Variants in TUBB8 observed in about 807,000 individuals in gnomAD.
The protein encoded by TUBB8 is tubulin beta 8 class VIII.
A neutral mutation model predicts 33.7 loss-of-function variants in TUBB8; 25 were observed. The ratio of observed to expected loss-of-function variants is 0.74; its 90% CI spans 0.54 to 1.04. The LOEUF is 1.04. Among genes scored for constraint, TUBB8 ranks in the 50% least tolerant of loss-of-function variants. The pLI is 0.00. For missense variants in TUBB8, 279 were observed against 608.0 expected (o/e 0.46, Z 5.69); for synonymous variants, 245 against 240.1 (o/e 1.02, Z -0.19).
At chr10:49,002 C>T (rs1834421290) in intron 1 of TUBB8, 90 bp from the exon 2 acceptor site, 4 of 1,240,650 alleles carry the variant, frequency 3.2e-6, no homozygotes, top group East Asian at 5.3e-5. Flanking sequence ...TCCGCACCCC[C>T]ATCCCTAGGC....
At chr10:70,284 A>AT (rs1266076128) in intron 1 of TUBB8, among the ~76,000 whole-genome samples, 4 of 144,842 alleles carry the variant, frequency 2.8e-5, no homozygotes, top group East Asian at 2.0e-4. Context: ...TTGTTTTTTT[A>AT]TTTTTTTTAT....
At chr10:72,356 C>G (rs1197008290) in intron 1 of TUBB8, among the ~76,000 whole-genome samples, 1 of 150,408 alleles carries the variant, frequency 6.6e-6, no homozygotes, top group Non-Finnish European at 1.5e-5. Flanking sequence ...GTCAGGAGTT[C>G]GAGACCAGCC....
intron 1 of TUBB8, among the ~76,000 whole-genome samples, chr10:63,924 A>C (rs1447705150): frequency 9.2e-5 from 14 of 152,258 alleles, no homozygotes; most frequent in Admixed American, 7.8e-4. Flanking sequence ...GTTGGTGCCC[A>C]TTATTTTTGG....
intron 1 of TUBB8, among the ~76,000 whole-genome samples, chr10:56,312 T>G (rs530803616): frequency 0.025 from 3,801 of 152,310 alleles, 56 homozygotes; most frequent in Middle Eastern, 0.071. Flanking sequence ...TACTGATTTG[T>G]ACATGTTGAT....
intron 1 of TUBB8, among the ~76,000 whole-genome samples, chr10:60,012 T>G (rs1308793057): frequency 6.6e-6 from 1 of 152,148 alleles, no homozygotes; most frequent in Admixed American, 6.5e-5. Flanking sequence ...TGTATCTTTG[T>G]TTTTTAGCTA....
At chr10:59,380 G>C (rs571019285) in intron 1 of TUBB8, among the ~76,000 whole-genome samples, 1 of 152,090 alleles carries the variant, frequency 6.6e-6, no homozygotes, top group African/African-American at 2.4e-5. Context: ...GTAGATATGG[G>C]GTTTTGCCAC....
At chr10:50,860 TCCTGATG>T (rs2131815939), upstream of TUBB8, among the ~76,000 whole-genome samples, 1 of 152,376 alleles carries the variant, frequency 6.6e-6, no homozygotes, top group East Asian at 1.9e-4. Flanking sequence ...CCTCCTGTTT[TCCTGATG>T]CATAAAACAA....
Position 47,533 on chromosome 10 carries a change from C to A in TUBB8, c.859G>T (p.Ala287Ser). The change falls in exon 4 of 4, where the codon GCT becomes TCT. Residue 287 changes from alanine to serine, a missense_variant. Transcript: ENST00000568584. ...TCAAACATCTGCTGGGTAAGCTCAG[C>A]CACAGTCAAGGCCCGGTACTGCTGG... is the stretch of plus-strand genomic sequence containing the variant. Reference protein sequence around the residue: ...GSQQYRALTVAELTQQMFDAK... With the variant: ...GSQQYRALTVSELTQQMFDAK... 1 of 1,612,096 alleles carries A rather than the reference C, an allele frequency of 6.2e-7. No individual in the cohort carries two copies. Among genetic ancestry groups the A allele is most frequent in the Non-Finnish European group, 8.5e-7 (1 of 1,180,030 alleles).
At chr10:48,532 C>A in intron 3 of TUBB8, 83 bp downstream of exon 3, 1 of 1,349,732 alleles carries the variant, frequency 7.4e-7, no homozygotes, top group Non-Finnish European at 1.1e-6. Context: ...CTCCACAGTT[C>A]CCAGAGGATG....
chr10:70,856 TA>T (rs1237741374), intron 1 of TUBB8, among the ~76,000 whole-genome samples: 1 of 150,482 alleles, frequency 6.6e-6, no homozygotes, highest in Non-Finnish European at 1.5e-5. Flanking sequence ...AAATAAAAAA[TA>T]AAAAAAAGGA....
intron 1 of TUBB8, among the ~76,000 whole-genome samples, chr10:66,214 G>C (rs772752130): frequency 6.6e-6 from 1 of 152,204 alleles, no homozygotes; most frequent in African/African-American, 2.4e-5. Flanking sequence ...CAGATCACAG[G>C]AGCTATCTTA....
chr10:55,440 G>A (rs1834518696), intron 1 of TUBB8, among the ~76,000 whole-genome samples: 1 of 152,152 alleles, frequency 6.6e-6, no homozygotes, highest in Admixed American at 6.5e-5. Flanking sequence ...CCCATTCTGT[G>A]GGTTTTCTCT....
downstream of TUBB8, chr10:46,882 C>CA: frequency 1.9e-6 from 1 of 524,584 alleles, no homozygotes; most frequent in South Asian, 2.2e-5. Context: ...AAGATGGAGG[C>CA]AAAACCAGAT....
upstream of TUBB8, among the ~76,000 whole-genome samples, chr10:75,359 A>G (rs1278602589): frequency 6.8e-6 from 1 of 147,848 alleles, no homozygotes; most frequent in African/African-American, 2.5e-5. Context: ...TTAAAACAAA[A>G]CAAACCGAAA....
rs575175733 is a variant in TUBB8, at chr10:64,600, G to A, written c.-846+9369C>T. On this transcript the variant is annotated intron_variant, in intron 1 of 3. Transcript: ENST00000564130. The stretch of plus-strand genomic sequence containing the variant: ...ACCCCAACCCTAAATCAAACTCTAA[G>A]CAAACCCTAACACACTAGGCACACA... Among the ~76,000 whole-genome samples the A allele has an allele frequency of 4.3e-4, 65 of 152,014 alleles. 2 individuals are homozygous for A. The East Asian group carries it at 0.012, about 29-fold the overall frequency.
rs28516810 is a variant in TUBB8 at position 69,270 on chromosome 10, T to C, written c.-846+4699A>G. Among the ~76,000 whole-genome samples, 869 of 152,270 alleles carry C rather than the reference T, an allele frequency of 5.7e-3. 10 individuals carry two copies. Among genetic ancestry groups the C allele is most frequent in the Middle Eastern group, 0.01 (3 of 294 alleles). On this transcript the variant is annotated intron_variant, in intron 1 of 3. Transcript: ENST00000564130. ...ATTCAACCCCAGTGGCCTGCAGTCT[T>C]GTATGCTCTCTCTTACAGGGACACA... is the stretch of plus-strand genomic sequence containing the variant.
upstream of TUBB8, among the ~76,000 whole-genome samples, chr10:74,625 CAAAAAAA>C (rs35723619): frequency 1.1e-5 from 1 of 89,680 alleles, no homozygotes; most frequent in Non-Finnish European, 2.2e-5. Context: ...GACTCAGTAT[CAAAAAAA>C]AAAAAAAAAA....
chr10:54,101 C>T (rs1469767980), upstream of TUBB8, among the ~76,000 whole-genome samples: 6 of 152,170 alleles, frequency 3.9e-5, no homozygotes, highest in Non-Finnish European at 7.3e-5. Context: ...TTACCATAAT[C>T]ACCCTGTTCT....
In TUBB8 at chr10:47,075, G is replaced by C; in HGVS notation, c.1317C>G (p.Ala439=). 6 of 1,200,718 alleles carry C rather than the reference G, an allele frequency of 5.0e-6. No homozygotes were observed. Among genetic ancestry groups the C allele is most frequent in the Non-Finnish European group, 7.3e-6 (6 of 824,270 alleles). The allele number at this position is 1,200,718 out of a possible 1,614,324, so 74.4% of individuals were successfully genotyped here. Residue 439 remains alanine, a synonymous_variant, in exon 4 of 4, where the codon GCC becomes GCG. Coordinates refer to ENST00000568584, the MANE Select transcript of TUBB8 (RefSeq NM_177987.3). ...TAEEEEDEEY[A]EEEVA ...GAGAGTTCTAGGCCACCTCCTCCTC[G>C]GCATACTCCTCATCCTCCTCCTCCT...
Sources: gnomAD v4.1 joint callset for allele counts (sites outside exome capture counted in the v4.1 genomes callset) on GRCh38, gnomAD v4.1.1 for gene constraint, MANE v1.5 for transcripts, NCBI Gene and HGNC (gene_info 2026-07-23, HGNC 2026-07-21) for gene names.